Variants in DOCK9 observed in about 807,000 individuals in gnomAD.
DOCK9 encodes dedicator of cytokinesis 9, also known as dedicator of cytokinesis protein 9.
DOCK9 carries 89 observed loss-of-function variants against 263.3 expected under a neutral mutation model. The observed-to-expected ratio is 0.34, with a 90% CI of 0.28 to 0.40. The LOEUF (loss-of-function observed/expected upper bound fraction) is 0.40. Ranked by LOEUF, DOCK9 falls within the 10% of genes least tolerant of loss-of-function variation. The probability of loss-of-function intolerance (pLI) is 1.00; values close to 1 mark genes in which losing one functional copy is unlikely to be tolerated. For synonymous variants in DOCK9, 976 were observed against 973.1 expected (o/e 1.00, Z -0.06); for missense variants, 2,140 against 2,603.4 (o/e 0.82, Z 3.87).
chr13:98,861,609 A>C (rs1350955705), intron 32 of DOCK9, among the ~76,000 whole-genome samples: 1 of 152,248 alleles, frequency 6.6e-6, no homozygotes, highest in Non-Finnish European at 1.5e-5. Context: ...TTTGCAACTG[A>C]AATGTGACAA....
At chr13:99,028,638 ATT>A in intron 1 of DOCK9, among the ~76,000 whole-genome samples, 1 of 152,264 alleles carries the variant, frequency 6.6e-6, no homozygotes, top group East Asian at 1.9e-4. Context: ...TACCTCTACA[ATT>A]TAACTCTGGA....
intron 49 of DOCK9, among the ~76,000 whole-genome samples, chr13:98,803,938 ATTTTTTTT>A (rs34751334): frequency 2.8e-5 from 4 of 142,342 alleles, no homozygotes; most frequent in Admixed American, 2.8e-4. Flanking sequence ...AAAAACCTGT[ATTTTTTTT>A]TTTTTTTTTG....
intron 1 of DOCK9, among the ~76,000 whole-genome samples, chr13:99,000,730 T>C (rs1441290260): frequency 6.6e-6 from 1 of 152,170 alleles, no homozygotes; most frequent in Admixed American, 6.5e-5. Flanking sequence ...TCACCTCCAG[T>C]GCCACCCTCA....
At chr13:98,955,779 A>C (rs1305563440) in intron 1 of DOCK9, among the ~76,000 whole-genome samples, 2 of 152,210 alleles carry the variant, frequency 1.3e-5, no homozygotes, top group Non-Finnish European at 2.9e-5. Context: ...GCACAAAGGA[A>C]GCTCTGCATT....
chr13:98,833,253 G>A (rs956177545), intron 39 of DOCK9, among the ~76,000 whole-genome samples: 1 of 150,488 alleles, frequency 6.6e-6, no homozygotes, highest in African/African-American at 2.5e-5. Context: ...CTGCTTACAA[G>A]TTTTATCTAT....
intron 7 of DOCK9, among the ~76,000 whole-genome samples, chr13:98,920,048 G>C (rs2051656593): frequency 6.6e-6 from 1 of 152,208 alleles, no homozygotes; most frequent in South Asian, 2.1e-4. Flanking sequence ...TGGATGGATG[G>C]ATGGACAGAT....
upstream of DOCK9, among the ~76,000 whole-genome samples, chr13:98,978,513 A>AC (rs1200184072): frequency 6.6e-6 from 1 of 152,176 alleles, no homozygotes; most frequent in Non-Finnish European, 1.5e-5. Flanking sequence ...AATGAGTTTC[A>AC]CCCCGCATGA....
intron 50 of DOCK9, among the ~76,000 whole-genome samples, chr13:98,799,439 G>A (rs571973231): frequency 3.9e-5 from 6 of 152,242 alleles, no homozygotes; most frequent in African/African-American, 1.2e-4. Context: ...TTACTGGAGG[G>A]AGTGATTTAA....
At chr13:98,803,385 C>G (rs2090339617) in intron 49 of DOCK9, among the ~76,000 whole-genome samples, 1 of 152,220 alleles carries the variant, frequency 6.6e-6, no homozygotes, top group African/African-American at 2.4e-5. Flanking sequence ...GACCCTGACT[C>G]AGCAGTGAAC....
chr13:98,813,891 T>A (rs2091559079), intron 45 of DOCK9, among the ~76,000 whole-genome samples: 1 of 152,208 alleles, frequency 6.6e-6, no homozygotes, highest in South Asian at 2.1e-4. Flanking sequence ...TCCACCCACC[T>A]CAGCCTCCCA....
At chr13:99,053,696 G>T (rs1368588640) in intron 1 of DOCK9, among the ~76,000 whole-genome samples, 1 of 152,112 alleles carries the variant, frequency 6.6e-6, no homozygotes, top group Non-Finnish European at 1.5e-5. Flanking sequence ...TCCTGCCAGG[G>T]CCTGGAGTGA....
At chr13:99,086,277 C>A (rs2042338709) in exon 1 of DOCK9, 2 of 1,496,806 alleles carry the variant, frequency 1.3e-6, no homozygotes, top group African/African-American at 1.5e-5. Context: ...GCTCGGCCGC[C>A]GTGCCCGGCT....
In DOCK9 at chr13:98,845,261, A is replaced by G. The variant is rs890201588; in HGVS notation, c.4198+663T>C. ...CCCCAAAGTTAGGAAGGCAAGATGA[A>G]CAAAAAGGGTCTTGGCTTGCAAGTG... On this transcript the variant is annotated intron_variant, in intron 38 of 52. Transcript: ENST00000682017. 50 of 1,185,412 alleles carry G rather than the reference A, an allele frequency of 4.2e-5. No homozygotes were observed. The African/African-American group carries it at 6.9e-4, about 16-fold the overall frequency. The allele number at this position is 1,185,412 out of a possible 1,614,324, so 73.4% of individuals were successfully genotyped here.
In DOCK9 at chr13:98,829,970, A is replaced by AC. The variant is rs1229302500; in HGVS notation, c.4636-215dup. 1.3e-5 allele frequency among the ~76,000 whole-genome samples: 2 copies of AC among 152,208 alleles called. No individual in the cohort carries two copies. Among genetic ancestry groups the AC allele is most frequent in the African/African-American group, 2.4e-5 (1 of 41,438 alleles). Reference sequence around the variant, plus strand: ...AAAGTGATTCTGCTATCCTTAAAAAACACTGTTTGCAAAGCAAAATGCTGA... The same window carrying AC: ...AAAGTGATTCTGCTATCCTTAAAAAACCACTGTTTGCAAAGCAAAATGCTGA... On this transcript the variant is annotated intron_variant, in intron 41 of 52. Transcript: ENST00000682017. The surrounding 1 kb of genome is among the most constrained non-coding windows in gnomAD (Gnocchi z 4.1).
chr13:98,888,533 A>C lies in DOCK9; in HGVS notation c.1804T>G (p.Ser602Ala), dbSNP rs769943506. The C allele has an allele frequency of 6.2e-7, 1 of 1,613,908 alleles. No homozygotes were observed. Among genetic ancestry groups the C allele is most frequent in the South Asian group, 1.1e-5 (1 of 91,072 alleles). The change falls in exon 17 of 53, where the codon TCA becomes GCA. Residue 602 changes from serine to alanine, a missense_variant. Coordinates refer to ENST00000682017, the MANE Select transcript of DOCK9 (RefSeq NM_001366683.2). ...TCAAATTGTTTTGTGGGAATGTATG[A>C]TGAATTAACATAATCTGCAAAGATA... ...SSDFPNYVNS[S>A]YIPTKQFETC... is the part of the protein sequence containing the mutation.
At chr13:98,852,868 T>C (rs747424702) in intron 35 of DOCK9, among the ~76,000 whole-genome samples, 69 of 152,236 alleles carry the variant, frequency 4.5e-4, no homozygotes, top group Non-Finnish European at 2.5e-4. Flanking sequence ...TGTCAAACCC[T>C]TAAACAGAAA....
At chr13:98,918,726 C>CA (rs1250878903) in intron 7 of DOCK9, among the ~76,000 whole-genome samples, 1 of 152,200 alleles carries the variant, frequency 6.6e-6, no homozygotes, top group Non-Finnish European at 1.5e-5. Context: ...CCCTAATTCT[C>CA]AAAAAATTAA....
intron 1 of DOCK9, among the ~76,000 whole-genome samples, chr13:99,021,511 C>A (rs1259291208): frequency 6.6e-6 from 1 of 151,660 alleles, no homozygotes; most frequent in Non-Finnish European, 1.5e-5. Context: ...TGGTGGCGGG[C>A]GCCTGTAGTC....
intron 1 of DOCK9, among the ~76,000 whole-genome samples, chr13:99,085,630 C>G (rs2042297873): frequency 6.6e-6 from 1 of 152,056 alleles, no homozygotes; most frequent in Admixed American, 6.5e-5. Flanking sequence ...TCCCATCATG[C>G]CCCCCAAGCC....
Sources: gnomAD v4.1 joint callset for allele counts (sites outside exome capture counted in the v4.1 genomes callset) on GRCh38, gnomAD v4.1.1 for gene constraint, Gnocchi (gnomAD v3.1) non-coding constraint, MANE v1.5 for transcripts, NCBI Gene and HGNC (gene_info 2026-07-23, HGNC 2026-07-21) for gene names.